Variants in NACAD observed in about 807,000 individuals in gnomAD.
The protein encoded by NACAD is NAC-alpha domain-containing protein 1.
Under a neutral mutation model 98.9 loss-of-function variants are expected in NACAD, and 47 were observed. The observed-to-expected ratio is 0.48, with a 90% confidence interval of 0.38 to 0.61. The LOEUF (loss-of-function observed/expected upper bound fraction) is 0.61. Among genes scored for constraint, NACAD ranks in the 20% least tolerant of loss-of-function variants. The pLI is 0.00. For missense variants in NACAD, 1,412 were observed against 1,748.2 expected (o/e 0.81, Z 3.43); for synonymous variants, 696 against 767.2 (o/e 0.91, Z 1.53).
rs1784498759 is a variant in NACAD at position 45,085,226 on chromosome 7, G to A, written c.954C>T (p.Ile318=). The A allele has an allele frequency of 1.9e-6, 3 of 1,551,356 alleles. No individual in the cohort carries two copies. The highest frequency in any genetic ancestry group is 2.7e-5 in the African/African-American group (2 of 73,050). Reference sequence around the variant, plus strand: ...TCACCTCCACTGCCTCCACCTGAAAGATGAGGCTGCCCTGGAAGGGTAGGA... The same window carrying A: ...TCACCTCCACTGCCTCCACCTGAAAAATGAGGCTGCCCTGGAAGGGTAGGA... ...AALLPFQGSL[I]FQVEAVEVTP... The change falls in exon 2 of 8, where the codon ATC becomes ATT. Residue 318 remains isoleucine (I), a synonymous_variant. Transcript: ENST00000490531. This position sits in a 1 kb window ranked among gnomAD's most constrained non-coding sequence, Gnocchi z 6.1.
intron 4 of NACAD, 139 bp from the exon 5 acceptor site, chr7:45,081,402 T>A: frequency 7.6e-7 from 1 of 1,317,538 alleles, no homozygotes; most frequent in South Asian, 1.5e-5. Context: ...TCCTTCCCCA[T>A]GAGCCTCAGT....
chr7:45,088,820 G>T lies in NACAD; in HGVS notation c.67+8C>A. ...CTGAAGGCAGGGAAAGAGTGGCCAC[G>T]GCCTCACCTGTGCGGGGCCCGGGTC... On this transcript the variant is annotated splice_region_variant and intron_variant, in intron 1 of 7. Transcript: ENST00000490531. The surrounding 1 kb of genome is among the most constrained non-coding windows in gnomAD (Gnocchi z 5.7). 1 of 1,489,554 alleles carries T rather than the reference G, an allele frequency of 6.7e-7. No homozygotes were observed. Among genetic ancestry groups the T allele is most frequent in the Non-Finnish European group, 8.9e-7 (1 of 1,124,636 alleles). The allele number at this position is 1,489,554 out of a possible 1,614,324, so 92.3% of individuals were successfully genotyped here.
chr7:45,086,500 G>A (rs566524156), intron 1 of NACAD, among the ~76,000 whole-genome samples: 30 of 152,258 alleles, frequency 2.0e-4, no homozygotes, highest in African/African-American at 7.2e-4. Flanking sequence ...GCTGGTGGTG[G>A]GAATCTGCCA....
In NACAD at chr7:45,088,280, C is replaced by A. The variant is rs1395494869; in HGVS notation, c.67+548G>T. On this transcript the variant is annotated intron_variant, in intron 1 of 7. Coordinates refer to ENST00000490531, the MANE Select transcript of NACAD (RefSeq NM_001146334.2). This position sits in a 1 kb window ranked among gnomAD's most constrained non-coding sequence, Gnocchi z 5.7. Reference sequence around the variant, plus strand: ...AGGCCACCTCCCCCAAGGCCTTCCACCTTCCAGACCCAACTTAGGCTTTAT... The same window carrying A: ...AGGCCACCTCCCCCAAGGCCTTCCAACTTCCAGACCCAACTTAGGCTTTAT... Among the ~76,000 whole-genome samples the A allele has an allele frequency of 6.6e-6, 1 of 152,262 alleles. No individual in the cohort carries two copies. Among genetic ancestry groups the A allele is most frequent in the Non-Finnish European group, 1.5e-5 (1 of 68,040 alleles).
rs752327795 is a variant in NACAD, at chr7:45,083,085, T to G, written c.3095A>C (p.Glu1032Ala). The change falls in exon 2 of 8, where the codon GAG (glutamate) becomes GCG (alanine). Residue 1032 changes from glutamate to alanine, a missense_variant. By Grantham distance (107) the Glu-to-Ala change is moderately radical. This residue lies in a region of NACAD where 572 missense variants were observed against 639.6 expected (regional missense o/e 0.89). Coordinates refer to ENST00000490531, the MANE Select transcript of NACAD (RefSeq NM_001146334.2). ...TTCCTCCCCAGCACCAGAGGCCGGC[T>G]CAGGGAGACTGAGGGCCTCCATGCC... is the stretch of plus-strand genomic sequence containing the variant. ...TLGMEALSLP[E>A]PASGAGEEIA... The G allele has an allele frequency of 2.6e-6, 4 of 1,550,818 alleles. No homozygotes were observed. The South Asian group carries it at 4.8e-5, about 18-fold the overall frequency.
chr7:45,081,783 G>T lies in NACAD; in HGVS notation c.4157C>A (p.Ala1386Asp). The T allele has an allele frequency of 6.4e-7, 1 of 1,551,056 alleles. No homozygotes were observed. Among genetic ancestry groups the T allele is most frequent in the Non-Finnish European group, 8.7e-7 (1 of 1,146,996 alleles). ...SAELDEQDIL[A>D]PQTVQCPAQA... is the part of the protein sequence containing the mutation. ...GGCTGGACACTGCACGGTCTGAGGAGCCAAGATGTCCTGCTCGTCCAGCTC... is the reference window on the plus strand; with the variant it reads ...GGCTGGACACTGCACGGTCTGAGGATCCAAGATGTCCTGCTCGTCCAGCTC... Residue 1386 changes from alanine to aspartate, a missense_variant, in exon 3 of 8, where the codon GCT becomes GAT. Ala to Asp is a moderately radical substitution (Grantham distance 126, BLOSUM62 -2). Coordinates refer to ENST00000490531, the MANE Select transcript of NACAD (RefSeq NM_001146334.2).
rs138350526 is a variant in NACAD at position 45,086,742 on chromosome 7, C to T, written c.68-630G>A. ...GATGGGGAAGCCAGGGGCCACCACA[C>T]GCAGCCAAGTTTCTGGAGAACAGAG... On this transcript the variant is annotated intron_variant, in intron 1 of 7. Transcript: ENST00000490531. 1.4e-3 allele frequency among the ~76,000 whole-genome samples: 210 copies of T among 152,364 alleles called. 3 individuals are homozygous for T. Among genetic ancestry groups the T allele is most frequent in the East Asian group, 0.01 (53 of 5,188 alleles).
Position 45,086,029 on chromosome 7 carries a change from G to A in NACAD, c.151C>T (p.His51Tyr), listed in dbSNP as rs1784517733. The change falls in exon 2 of 8, where the codon CAC (histidine) becomes TAC (tyrosine). Residue 51 changes from histidine (H) to tyrosine (Y), a missense_variant. Physicochemically the swap from His to Tyr is moderately conservative, Grantham distance 83. Coordinates refer to ENST00000490531, the MANE Select transcript of NACAD (RefSeq NM_001146334.2). ...EPCALTPGPS[H>Y]LALTFLPSKP... ...CTGGGCAGGAACGTGAGGGCCAGGTGGCTGGGCCCTGGGGTCAGAGCACAG... is the reference window on the plus strand; with the variant it reads ...CTGGGCAGGAACGTGAGGGCCAGGTAGCTGGGCCCTGGGGTCAGAGCACAG... 3 of 1,535,906 alleles carry A rather than the reference G, an allele frequency of 2.0e-6. No individual in the cohort carries two copies. Among genetic ancestry groups the A allele is most frequent in the Admixed American group, 2.0e-5 (1 of 50,792 alleles).
rs1436742104 is a variant in NACAD, at chr7:45,084,400, G to A, written c.1780C>T (p.Leu594Phe). The change falls in exon 2 of 8, where the codon CTC becomes TTC. Residue 594 changes from leucine to phenylalanine, a missense_variant. Around this residue, in one of 5 missense-constraint regions of NACAD, gnomAD observed 72 missense variants for 198.0 expected, o/e 0.36. Coordinates refer to ENST00000490531, the MANE Select transcript of NACAD (RefSeq NM_001146334.2). ...TIVPRQAKED[L>F]TLPQDSAMTP... ...ATAGCGGAGTCCTGGGGTAAGGTGA[G>A]GTCCTCTTTAGCCTGCCTGGGGACA... 12 of 1,529,906 alleles carry A rather than the reference G, an allele frequency of 7.8e-6. No individual in the cohort carries two copies. Among genetic ancestry groups the A allele is most frequent in the Non-Finnish European group, 1.1e-5 (12 of 1,131,494 alleles). 94.8% of individuals were successfully genotyped at this position (1,529,906 alleles called of 1,614,324 possible). A position where few individuals can be genotyped will look rare whatever the true frequency, so the allele number is the denominator to read the frequency against.
rs2128640587 is a variant in NACAD, at chr7:45,082,930, G to A, written c.3250C>T (p.Leu1084=). Residue 1084 remains leucine (L), a synonymous_variant, in exon 2 of 8, where the codon CTG becomes TTG. Coordinates refer to ENST00000490531, the MANE Select transcript of NACAD (RefSeq NM_001146334.2). The surrounding 1 kb of genome is among the most constrained non-coding windows in gnomAD (Gnocchi z 4.5). ...CCATGTTCCTGTGCCAGTGGCTTCAGGCCTCCTTCCTGCTGGTTCTCAACC... is the reference window on the plus strand; with the variant it reads ...CCATGTTCCTGTGCCAGTGGCTTCAAGCCTCCTTCCTGCTGGTTCTCAACC... The part of the protein sequence containing the change: ...LEVENQQEGG[L]KPLAQEHGPR... 6.4e-7 allele frequency: 1 copy of A among 1,551,086 alleles called. No homozygotes were observed. Among genetic ancestry groups the A allele is most frequent in the Non-Finnish European group, 8.7e-7 (1 of 1,147,000 alleles).
chr7:45,080,914 GC>G lies in NACAD; in HGVS notation c.4512del (p.Arg1504SerfsTer28). 6.4e-7 allele frequency: 1 copy of G among 1,555,794 alleles called. No individual in the cohort carries two copies. Among genetic ancestry groups the G allele is most frequent in the Non-Finnish European group, 8.7e-7 (1 of 1,149,546 alleles). ...VPESAPRPRVRLECKEEEEEE... is the reference protein window; with the variant it reads ...VPESAPRPRVXLECKEEEEEE... ...TCCTCTTCCTCTTCCTTGCACTCCA[GC>G]CTCACCCGGGGCCTGGGTGCTGACT... On this transcript the variant is annotated frameshift_variant, in exon 6 of 8. Transcript: ENST00000490531. LOFTEE classifies it high-confidence loss of function.
Position 45,088,093 on chromosome 7 carries a change from A to C in NACAD, c.67+735T>G, listed in dbSNP as rs1784548820. ...CCCATCTCTGGGTGACTTCTTGCCCACAGCAAGGTGCCCTTGGCCCTACCC... is the reference window on the plus strand; with the variant it reads ...CCCATCTCTGGGTGACTTCTTGCCCCCAGCAAGGTGCCCTTGGCCCTACCC... On this transcript the variant is annotated intron_variant, in intron 1 of 7. Transcript: ENST00000490531. The surrounding 1 kb of genome is among the most constrained non-coding windows in gnomAD (Gnocchi z 5.7). 6.6e-6 allele frequency among the ~76,000 whole-genome samples: 1 copy of C among 152,002 alleles called. No individual in the cohort carries two copies. The highest frequency in any genetic ancestry group is 2.1e-4 in the South Asian group (1 of 4,824).
At position 45,083,071 on chromosome 7, in the gene NACAD, C is replaced by G. The variant is rs1302614642; in HGVS notation, c.3109G>C (p.Ala1037Pro). The G allele has an allele frequency of 6.4e-7, 1 of 1,550,866 alleles. No individual in the cohort carries two copies. The highest frequency in any genetic ancestry group is 2.0e-5 in the Admixed American group (1 of 51,014). ...ALSLPEPASG[A>P]GEEIAEALSR... ...AGGGCTTCTGCTATTTCCTCCCCAG[C>G]ACCAGAGGCCGGCTCAGGGAGACTG... Residue 1037 changes from alanine to proline, a missense_variant, in exon 2 of 8, where the codon GCT becomes CCT. Ala to Pro is a conservative substitution (Grantham distance 27). Transcript: ENST00000490531.
At position 45,080,952 on chromosome 7, in the gene NACAD, G is replaced by C. The variant is rs1784420738; in HGVS notation, c.4475C>G (p.Ala1492Gly). ...EKFKVPSEPS[A>G]LVPESAPRPR... ...CCTGGGTGCTGACTCAGGGACCAAGGCTGAGGGCTCTGAGGGCACCTTAAA... is the reference window on the plus strand; with the variant it reads ...CCTGGGTGCTGACTCAGGGACCAAGCCTGAGGGCTCTGAGGGCACCTTAAA... Residue 1492 changes from alanine (A) to glycine (G), a missense_variant, in exon 6 of 8, where the codon GCC (alanine) becomes GGC (glycine). By Grantham distance (60) the Ala-to-Gly change is moderately conservative. Around this residue, in one of 5 missense-constraint regions of NACAD, gnomAD observed 88 missense variants for 105.4 expected, o/e 0.84. Coordinates refer to ENST00000490531, the MANE Select transcript of NACAD (RefSeq NM_001146334.2). 1 of 1,552,248 alleles carries C rather than the reference G, an allele frequency of 6.4e-7. No individual in the cohort carries two copies. Among genetic ancestry groups the C allele is most frequent in the Non-Finnish European group, 8.7e-7 (1 of 1,147,306 alleles).
At chr7:45,087,641 A>G (rs1784540342) in intron 1 of NACAD, among the ~76,000 whole-genome samples, 1 of 152,278 alleles carries the variant, frequency 6.6e-6, no homozygotes, top group Non-Finnish European at 1.5e-5. Flanking sequence ...AGCTCCCCTC[A>G]GCAGCATCAG....
In NACAD at chr7:45,082,142, G is replaced by T; in HGVS notation, c.4038C>A (p.Pro1346=). The T allele has an allele frequency of 6.7e-7, 1 of 1,486,042 alleles. No homozygotes were observed. The highest frequency in any genetic ancestry group is 9.0e-7 in the Non-Finnish European group (1 of 1,116,826). The allele number at this position is 1,486,042 out of a possible 1,614,324, so 92.1% of individuals were successfully genotyped here. A position where few individuals can be genotyped will look rare whatever the true frequency, so the allele number is the denominator to read the frequency against. Residue 1346 remains proline (P), a synonymous_variant, in exon 2 of 8, where the codon CCC becomes CCA. Coordinates refer to ENST00000490531, the MANE Select transcript of NACAD (RefSeq NM_001146334.2). The surrounding 1 kb of genome is among the most constrained non-coding windows in gnomAD (Gnocchi z 4.5). The part of the protein sequence containing the change: ...SPAGPQGLSA[P]EQQEDEDSLE... Reference sequence around the variant, plus strand: ...GGCTGTCCTCATCCTCTTGCTGCTCGGGGGCTGAGAGCCCTTGAGGGCCAG... The same window carrying T: ...GGCTGTCCTCATCCTCTTGCTGCTCTGGGGCTGAGAGCCCTTGAGGGCCAG...
Position 45,085,326 on chromosome 7 carries a change from C to G in NACAD, c.854G>C (p.Ser285Thr). Reference protein sequence around the residue: ...SSESSLSADSSSSWGQEGHFF... With the variant: ...SSESSLSADSTSSWGQEGHFF... ...GTGGCCCTCCTGGCCCCAGGAGGAGCTGCTGTCTGCAGAGAGGCTGGACTC... is the reference window on the plus strand; with the variant it reads ...GTGGCCCTCCTGGCCCCAGGAGGAGGTGCTGTCTGCAGAGAGGCTGGACTC... The change falls in exon 2 of 8, where the codon AGC (serine) becomes ACC (threonine). Residue 285 changes from serine (S) to threonine (T), a missense_variant. By Grantham distance (58) the Ser-to-Thr change is moderately conservative (BLOSUM62 1). Coordinates refer to ENST00000490531, the MANE Select transcript of NACAD (RefSeq NM_001146334.2). This position sits in a 1 kb window ranked among gnomAD's most constrained non-coding sequence, Gnocchi z 6.1. 1 of 1,551,008 alleles carries G rather than the reference C, an allele frequency of 6.4e-7. No individual in the cohort carries two copies.
chr7:45,086,610 C>T (rs898707223), intron 1 of NACAD, among the ~76,000 whole-genome samples: 6 of 152,210 alleles, frequency 3.9e-5, no homozygotes, highest in African/African-American at 9.7e-5. Flanking sequence ...GGGCTTCATG[C>T]CTCGCTCTGC....
rs1784517936 is a variant in NACAD at position 45,086,037 on chromosome 7, C to T, written c.143G>A (p.Gly48Glu). Reference protein sequence around the residue: ...DRREPCALTPGPSHLALTFLP... With the variant: ...DRREPCALTPEPSHLALTFLP... ...GAACGTGAGGGCCAGGTGGCTGGGC[C>T]CTGGGGTCAGAGCACAGGGCTCCCG... The change falls in exon 2 of 8, where the codon GGG becomes GAG. Residue 48 changes from glycine (G) to glutamate (E), a missense_variant. This residue lies in a region of NACAD where 638 missense variants were observed against 722.7 expected (regional missense o/e 0.88). Transcript: ENST00000490531. 1 of 1,535,730 alleles carries T rather than the reference C, an allele frequency of 6.5e-7. No homozygotes were observed.
Sources: allele counts gnomAD v4.1 joint callset (sites outside exome capture counted in the v4.1 genomes callset), GRCh38; gene constraint gnomAD v4.1.1; regional missense constraint gnomAD v4.1.1; non-coding constraint Gnocchi (gnomAD v3.1); transcripts MANE v1.5; gene names NCBI Gene and HGNC (gene_info 2026-07-23, HGNC 2026-07-21).